Variants in LRP2BP observed in about 807,000 individuals in gnomAD.
LRP2BP encodes LRP2 binding protein.
LRP2BP carries 38 observed loss-of-function variants against 45.2 expected under a neutral mutation model. That is an observed-to-expected ratio of 0.84 (90% CI 0.65 to 1.10). The LOEUF (loss-of-function observed/expected upper bound fraction) is 1.10. LRP2BP is among the 50% of genes least tolerant of loss of function. The probability of loss-of-function intolerance (pLI) is 0.00; values close to 1 mark genes in which losing one functional copy is unlikely to be tolerated. For missense variants in LRP2BP, 385 were observed against 418.9 expected (o/e 0.92, Z 0.71); for synonymous variants, 153 against 153.9 (o/e 0.99, Z 0.04).
intron 8 of LRP2BP, among the ~76,000 whole-genome samples, chr4:185,369,019 C>A (rs1023039458): frequency 1.3e-5 from 2 of 152,064 alleles, no homozygotes; most frequent in South Asian, 4.2e-4. Context: ...GTCTCACACT[C>A]TTGGCCTCAG....
chr4:185,368,480 C>T (rs922622295), intron 8 of LRP2BP, among the ~76,000 whole-genome samples: 3 of 152,218 alleles, frequency 2.0e-5, no homozygotes, highest in African/African-American at 7.2e-5. Context: ...CCTCCCAACC[C>T]GTTCCCTTCC....
Position 185,365,690 on chromosome 4 carries a change from A to AAAAAT in LRP2BP, c.*1489_*1490insATTTT, listed in dbSNP as rs1554015803. 6.9e-6 allele frequency: 1 copy of AAAAAT among 144,272 alleles called. No homozygotes were observed. Among genetic ancestry groups the AAAAAT allele is most frequent in the Admixed American group, 6.9e-5 (1 of 14,476 alleles). 8.9% of individuals were successfully genotyped at this position (144,272 alleles called of 1,614,324 possible). A position where few individuals can be genotyped will look rare whatever the true frequency, so the allele number is the denominator to read the frequency against. Reference sequence around the variant, plus strand: ...AGGAGACTCCGTCTCAAAAAAAAAAAAATAATAATAATAATAATAATAATA... The same window carrying AAAAAT: ...AGGAGACTCCGTCTCAAAAAAAAAAAAAAATAATAATAATAATAATAATAATAATA... On this transcript the variant is annotated 3_prime_UTR_variant, in exon 9 of 9. Coordinates refer to ENST00000505916, the MANE Select transcript of LRP2BP (RefSeq NM_001377440.1).
chr4:185,370,935 A>G lies in LRP2BP; in HGVS notation c.804-121T>C, dbSNP rs886768369. The G allele has an allele frequency of 2.7e-6, 3 of 1,100,182 alleles. No homozygotes were observed. The African/African-American group carries it at 4.7e-5, about 17-fold the overall frequency. The allele number at this position is 1,100,182 out of a possible 1,614,324, so 68.2% of individuals were successfully genotyped here. A position where few individuals can be genotyped will look rare whatever the true frequency, so the allele number is the denominator to read the frequency against. On this transcript the variant is annotated intron_variant, in intron 7 of 8. Coordinates refer to ENST00000505916, the MANE Select transcript of LRP2BP (RefSeq NM_001377440.1). ...ATTTCTCTCTACTGCTTTGAGAACT[A>G]AGTTGTTTGCTGTGTGGGGAAGGGT...
chr4:185,373,203 G>A (rs1034024972), intron 6 of LRP2BP, 124 bp from the exon 7 acceptor site: 30 of 903,502 alleles, frequency 3.3e-5, no homozygotes, highest in African/African-American at 2.2e-4. Context: ...AGGAAAGAGC[G>A]GTAGGCCTTT....
At chr4:185,396,774 C>T, upstream of LRP2BP, 1 of 800,518 alleles carries the variant, frequency 1.2e-6, no homozygotes, top group Non-Finnish European at 2.1e-6. Flanking sequence ...GGAGCTGGGG[C>T]GCGGCTGCCA....
chr4:185,375,512 ATATG>A lies in LRP2BP; in HGVS notation c.330+97_330+100del, dbSNP rs1386794097. The A allele has an allele frequency of 6.8e-3, 585 of 86,144 alleles. 18 individuals are homozygous for A. Among genetic ancestry groups the A allele is most frequent in the South Asian group, 0.026 (57 of 2,176 alleles). The allele number at this position is 86,144 out of a possible 1,614,324, so 5.3% of individuals were successfully genotyped here. A position where few individuals can be genotyped will look rare whatever the true frequency, so the allele number is the denominator to read the frequency against. ...AATATATATATATATATATATATAT[ATATG>A]TATATATATATGTATTAAAATATAA... On this transcript the variant is annotated intron_variant, in intron 4 of 8. Coordinates refer to ENST00000505916, the MANE Select transcript of LRP2BP (RefSeq NM_001377440.1).
At chr4:185,393,235 T>C (rs1014889392) in intron 1 of LRP2BP, among the ~76,000 whole-genome samples, 6 of 152,184 alleles carry the variant, frequency 3.9e-5, no homozygotes, top group African/African-American at 1.4e-4. Context: ...CTGGTGAGAT[T>C]TTTAGTTTTA....
chr4:185,387,469 C>T (rs1051821250), intron 1 of LRP2BP, among the ~76,000 whole-genome samples: 1 of 152,210 alleles, frequency 6.6e-6, no homozygotes, highest in Non-Finnish European at 1.5e-5. Context: ...AAATATAACA[C>T]TGTTCACACA....
chr4:185,375,311 G>C (rs2095429462), intron 4 of LRP2BP, among the ~76,000 whole-genome samples: 1 of 148,750 alleles, frequency 6.7e-6, no homozygotes, highest in African/African-American at 2.5e-5. Context: ...ACAAAAATTA[G>C]CCAGGCGTGG....
Position 185,375,637 on chromosome 4 carries a change from A to C in LRP2BP, c.306T>G (p.Asp102Glu). ...ATYQLGVMYY[D>E]GLGTTLDAEK... ...CAGCGTCTAGAGTGGTCCCCAGCCC[A>C]TCATAGTACATCACTCCTAGCTGGT... The change falls in exon 4 of 9, where the codon GAT becomes GAG. Residue 102 changes from aspartate to glutamate, a missense_variant. Transcript: ENST00000505916. 1 of 1,610,272 alleles carries C rather than the reference A, an allele frequency of 6.2e-7. No individual in the cohort carries two copies. The highest frequency in any genetic ancestry group is 8.5e-7 in the Non-Finnish European group (1 of 1,178,378).
chr4:185,379,240 T>C (rs2095448074), intron 1 of LRP2BP, among the ~76,000 whole-genome samples: 1 of 152,242 alleles, frequency 6.6e-6, no homozygotes, highest in Non-Finnish European at 1.5e-5. Context: ...TGGTTGCCTT[T>C]AGTGAATATG....
intron 1 of LRP2BP, among the ~76,000 whole-genome samples, chr4:185,390,165 A>G (rs1463130071): frequency 6.6e-6 from 1 of 152,134 alleles, no homozygotes; most frequent in Non-Finnish European, 1.5e-5. Flanking sequence ...GAAAGCATTC[A>G]TTTTCTTAAA....
At chr4:185,369,715 G>A (rs2095408377) in intron 8 of LRP2BP, 1 of 430,668 alleles carries the variant, frequency 2.3e-6, no homozygotes, top group African/African-American at 2.1e-5. Flanking sequence ...AGTAATTTAG[G>A]GTTCCCAAAC....
chr4:185,368,351 C>T (rs75773850), intron 8 of LRP2BP, among the ~76,000 whole-genome samples: 2,136 of 152,242 alleles, frequency 0.014, 49 homozygotes, highest in African/African-American at 0.049. Context: ...CTGGGTCTGT[C>T]GCCTCCAGGT....
intron 7 of LRP2BP, 149 bp downstream of exon 7, chr4:185,372,707 T>C (rs2095419940): frequency 8.4e-6 from 5 of 594,430 alleles, no homozygotes; most frequent in Non-Finnish European, 1.4e-5. Flanking sequence ...AGCTTTCTGC[T>C]GTCACGTGAG....
chr4:185,378,381 C>T (rs543899583), intron 1 of LRP2BP, 174 bp from the exon 2 acceptor site: 12 of 1,394,840 alleles, frequency 8.6e-6, no homozygotes, highest in Non-Finnish European at 1.1e-5. Context: ...ACACCAAGAC[C>T]CTCCTCCCTA....
At chr4:185,376,439 G>A (rs1475155864) in intron 3 of LRP2BP, among the ~76,000 whole-genome samples, 3 of 138,226 alleles carry the variant, frequency 2.2e-5, no homozygotes, top group African/African-American at 8.4e-5. Context: ...ACCATGCCCA[G>A]CTACTTTTTT....
At chr4:185,367,375 A>C (rs1299046071) in intron 8 of LRP2BP, 130 bp from the exon 9 acceptor site, 1 of 733,692 alleles carries the variant, frequency 1.4e-6, no homozygotes, top group African/African-American at 1.8e-5. Context: ...AAATTTGTTA[A>C]GATACTTTCT....
At chr4:185,395,972 T>A (rs952920503), upstream of LRP2BP, 1 of 941,914 alleles carries the variant, frequency 1.1e-6, no homozygotes, top group Non-Finnish European at 1.3e-6. Flanking sequence ...TCAGGTCATG[T>A]TCTACAAAAA....
Sources: allele counts gnomAD v4.1 joint callset (sites outside exome capture counted in the v4.1 genomes callset), GRCh38; gene constraint gnomAD v4.1.1; transcripts MANE v1.5; gene names NCBI Gene and HGNC (gene_info 2026-07-23, HGNC 2026-07-21).